GEMIN8: variants seen among roughly 807,000 people sequenced by gnomAD.
GEMIN8 encodes gem-associated protein 8.
For synonymous variants in GEMIN8, 80 were observed against 78.5 expected, an observed-to-expected ratio of 1.02 and a Z score of -0.10; for missense variants, 185 against 205.9, an observed-to-expected ratio of 0.90 and a Z score of 0.62.
chrX:14,027,456 T>G, intron 1 of GEMIN8, among the ~76,000 whole-genome samples: 1 of 112,916 alleles, frequency 8.9e-6, no homozygotes. Context: ...CATGCCACTG[T>G]GTTCAGAAAG....
intron 4 of GEMIN8, among the ~76,000 whole-genome samples, chrX:14,012,165 T>A (rs991028645): frequency 1.8e-5 from 2 of 108,440 alleles, no homozygotes; most frequent in African/African-American, 6.8e-5. Flanking sequence ...TCACTCAGGC[T>A]GGAGTGCAGT....
In GEMIN8 at chrX:14,020,509, G is replaced by T; in HGVS notation, c.41C>A (p.Pro14His). Residue 14 changes from proline (P) to histidine (H), a missense_variant, in exon 4 of 5, where the codon CCT becomes CAT. Transcript: ENST00000680255. ...TGCATATACCGGATGAGAATACCAAGGCCTGGTAGCTTTCGATGTTGATGC... is the reference window on the plus strand; with the variant it reads ...TGCATATACCGGATGAGAATACCAATGCCTGGTAGCTTTCGATGTTGATGC... ...VKASTSKATR[P>H]WYSHPVYARY... 2 of 1,193,926 alleles carry T rather than the reference G, an allele frequency of 1.7e-6. No homozygotes were observed. The highest frequency in any genetic ancestry group is 1.1e-6 in the Non-Finnish European group (1 of 879,617).
chrX:14,002,797 C>T (rs990255722), downstream of GEMIN8, among the ~76,000 whole-genome samples: 5 of 111,960 alleles, frequency 4.5e-5, no homozygotes, highest in Non-Finnish European at 9.4e-5. Context: ...CCACCACGCC[C>T]GGCCAACATC....
At chrX:13,996,547 C>A in the GEMIN8 span, among the ~76,000 whole-genome samples, 1 of 111,319 alleles carries the variant, frequency 9.0e-6, no homozygotes. Context: ...CTCACTGGGT[C>A]CCTCCCGCAA....
chrX:14,020,179 G>A lies in GEMIN8; in HGVS notation c.371C>T (p.Thr124Ile), dbSNP rs1353605475. ...QALSKEEEME[T>I]ESDAEVECDL... ...ACATTCTACCTCTGCATCTGACTCA[G>A]TCTCCATCTCTTCCTCTTTGGACAA... The change falls in exon 4 of 5, where the codon ACT becomes ATT. Residue 124 changes from threonine to isoleucine, a missense_variant. Coordinates refer to ENST00000680255, the MANE Select transcript of GEMIN8 (RefSeq NM_001042479.2). 5.0e-6 allele frequency: 6 copies of A among 1,203,933 alleles called. No homozygotes were observed. Among genetic ancestry groups the A allele is most frequent in the African/African-American group, 3.5e-5 (2 of 56,910 alleles).
At chrX:13,993,123 A>G in the GEMIN8 span, among the ~76,000 whole-genome samples, 2 of 112,324 alleles carry the variant, frequency 1.8e-5, no homozygotes, top group South Asian at 7.4e-4. Flanking sequence ...GCCTTTGAAC[A>G]GATACTATAA....
chrX:14,021,497 A>G lies in GEMIN8; in HGVS notation c.-19T>C. 1 of 1,169,616 alleles carries G rather than the reference A, an allele frequency of 8.5e-7. No homozygotes were observed. Among genetic ancestry groups the G allele is most frequent in the Non-Finnish European group, 1.2e-6 (1 of 858,663 alleles). ...CTGCCATCTCTGATTGTGAAAGTCC[A>G]AATGGGTGCTGAAACTAGGAAAGAA... On this transcript the variant is annotated 5_prime_UTR_variant, in exon 3 of 5. Coordinates refer to ENST00000680255, the MANE Select transcript of GEMIN8 (RefSeq NM_001042479.2).
At position 14,020,463 on chromosome X, in the gene GEMIN8, A is replaced by C; in HGVS notation, c.87T>G (p.His29Gln). ...PVYARYWQHY[H>Q]QAMAWMQSHH... ...GGCTTTGCATCCAAGCCATTGCTTG[A>C]TGATAATGTTGCCAGTATCTTGCAT... Residue 29 changes from histidine to glutamine, a missense_variant, in exon 4 of 5, where the codon CAT (histidine) becomes CAG (glutamine). Coordinates refer to ENST00000680255, the MANE Select transcript of GEMIN8 (RefSeq NM_001042479.2). The C allele has an allele frequency of 8.3e-7, 1 of 1,207,402 alleles. No homozygotes were observed. Among genetic ancestry groups the C allele is most frequent in the East Asian group, 3.0e-5 (1 of 33,864 alleles).
chrX:14,005,377 C>T (rs765773818), downstream of GEMIN8, among the ~76,000 whole-genome samples: 56 of 111,577 alleles, frequency 5.0e-4, no homozygotes, highest in African/African-American at 1.7e-3. Flanking sequence ...TGTAATGAAG[C>T]CTTCATAAAA....
At chrX:14,025,440 C>T (rs1226027371) in intron 2 of GEMIN8, among the ~76,000 whole-genome samples, 1 of 111,207 alleles carries the variant, frequency 9.0e-6, no homozygotes, top group Non-Finnish European at 1.9e-5. Flanking sequence ...TTTGCCCACC[C>T]CTGTTTCATG....
intron 4 of GEMIN8, 125 bp downstream of exon 4, chrX:14,019,952 AG>A (rs893130220): frequency 4.6e-5 from 19 of 415,316 alleles, no homozygotes; most frequent in Non-Finnish European, 7.3e-5. Context: ...TTCCAGGCTT[AG>A]GACTGGATTT....
chrX:13,997,669 C>T, the GEMIN8 span, among the ~76,000 whole-genome samples: 1 of 111,652 alleles, frequency 9.0e-6, no homozygotes, highest in Non-Finnish European at 1.9e-5. Context: ...CTGAGGCGGG[C>T]GGATCACCTG....
chrX:13,995,982 CTGTT>C, the GEMIN8 span, among the ~76,000 whole-genome samples: 2 of 112,035 alleles, frequency 1.8e-5, no homozygotes, highest in Non-Finnish European at 3.8e-5. Context: ...ACTTCCCACT[CTGTT>C]TGAAGCTAAT....
rs1380468525 is a variant in GEMIN8 at position 14,008,679 on chromosome X, G to A, written c.*234C>T. 4.8e-6 allele frequency: 2 copies of A among 417,640 alleles called. No homozygotes were observed. Among genetic ancestry groups the A allele is most frequent in the Non-Finnish European group, 8.3e-6 (2 of 241,176 alleles). 34.4% of individuals were successfully genotyped at this position (417,640 alleles called of 1,213,427 possible). On this transcript the variant is annotated 3_prime_UTR_variant, in exon 5 of 5. Transcript: ENST00000680255. Reference sequence around the variant, plus strand: ...AACATAAAAAACCAGTATAGTATATGCAAAATTATTTTATGTCAGGAGAAA... The same window carrying A: ...AACATAAAAAACCAGTATAGTATATACAAAATTATTTTATGTCAGGAGAAA...
chrX:14,024,017 T>A (rs978429992), intron 2 of GEMIN8, among the ~76,000 whole-genome samples: 2 of 112,564 alleles, frequency 1.8e-5, no homozygotes, highest in Admixed American at 1.9e-4. Flanking sequence ...TTAGTTATAA[T>A]TGGGAAAATC....
At chrX:13,999,257 C>T in the GEMIN8 span, among the ~76,000 whole-genome samples, 1 of 105,070 alleles carries the variant, frequency 9.5e-6, no homozygotes, top group African/African-American at 3.4e-5. Context: ...AATAAAGCTA[C>T]GGGCTGTATG....
chrX:14,001,156 A>T, the GEMIN8 span, among the ~76,000 whole-genome samples: 15 of 111,873 alleles, frequency 1.3e-4, no homozygotes, highest in Middle Eastern at 4.6e-3. Flanking sequence ...CGTGTCCATC[A>T]CTCGGCTTCA....
chrX:14,029,037 T>C (rs912680237), intron 1 of GEMIN8, among the ~76,000 whole-genome samples: 1 of 111,687 alleles, frequency 9.0e-6, no homozygotes, highest in African/African-American at 3.3e-5. Context: ...CAAACGAGTT[T>C]AAAAACATCA....
chrX:14,016,141 C>T (rs1324740218), intron 4 of GEMIN8, among the ~76,000 whole-genome samples: 1 of 112,082 alleles, frequency 8.9e-6, no homozygotes, highest in African/African-American at 3.2e-5. Context: ...AGTCTGACAC[C>T]ACAGTCTGTT....
Sources: allele counts gnomAD v4.1 joint callset (sites outside exome capture counted in the v4.1 genomes callset), GRCh38; gene constraint gnomAD v4.1.1; transcripts MANE v1.5; gene names NCBI Gene and HGNC (gene_info 2026-07-23, HGNC 2026-07-21).